The following PEMT variants were observed in gnomAD, a reference collection of about 807,000 sequenced individuals.
The protein encoded by PEMT is phospholipid methyltransferase.
Under a neutral mutation model 27.4 loss-of-function variants are expected in PEMT, and 23 were observed. The ratio of observed to expected loss-of-function variants is 0.84; its 90% confidence interval spans 0.60 to 1.19. The LOEUF (loss-of-function observed/expected upper bound fraction) is 1.19, where lower values mean the gene tolerates loss of function less well. Ranked by LOEUF, PEMT falls within the 50% of genes most tolerant of loss-of-function variation. PEMT has a pLI of 0.00. For synonymous variants in PEMT, 137 were observed against 139.1 expected, an observed-to-expected ratio of 0.98 and a Z score of 0.11; for missense variants, 307 against 310.1, an observed-to-expected ratio of 0.99 and a Z score of 0.07.
chr17:17,517,547 C>T (rs1364006166), intron 3 of PEMT, among the ~76,000 whole-genome samples: 1 of 152,240 alleles, frequency 6.6e-6, no homozygotes, highest in Non-Finnish European at 1.5e-5. Flanking sequence ...TGGGATGCAG[C>T]AGTGACCAGG....
At chr17:17,550,809 C>T (rs886977903) in intron 2 of PEMT, among the ~76,000 whole-genome samples, 1 of 152,236 alleles carries the variant, frequency 6.6e-6, no homozygotes, top group African/African-American at 2.4e-5. Context: ...GTCCAGTTCA[C>T]TGAATGTGCA....
At chr17:17,530,351 C>T (rs1466439833) in intron 2 of PEMT, among the ~76,000 whole-genome samples, 1 of 152,126 alleles carries the variant, frequency 6.6e-6, no homozygotes, top group Non-Finnish European at 1.5e-5. Context: ...AAAAATTAGC[C>T]GGGCATGATG....
intron 3 of PEMT, among the ~76,000 whole-genome samples, chr17:17,514,093 C>T (rs1444248894): frequency 2.0e-5 from 3 of 152,174 alleles, no homozygotes; most frequent in Non-Finnish European, 1.5e-5. Context: ...GCCCACACAA[C>T]CATCCATCCA....
chr17:17,591,397 CG>C, intron 1 of PEMT, 133 bp downstream of exon 1: 7 of 758,598 alleles, frequency 9.2e-6, no homozygotes, highest in Admixed American at 3.0e-5. Flanking sequence ...CCCCCACCCC[CG>C]CCACGCCACG....
At chr17:17,558,413 CAGG>C in intron 2 of PEMT, among the ~76,000 whole-genome samples, 1 of 151,894 alleles carries the variant, frequency 6.6e-6, no homozygotes, top group South Asian at 2.1e-4. Context: ...GAGGCTGAGG[CAGG>C]AGAATTGCTT....
At chr17:17,586,266 AAGAAAGAAAGAAAGAAAG>A (rs1912284617) in intron 1 of PEMT, among the ~76,000 whole-genome samples, 1 of 118,152 alleles carries the variant, frequency 8.5e-6, no homozygotes, top group East Asian at 2.5e-4. Context: ...GAAAGAAAGA[AAGAAAGAAAGAAAGAAAG>A]AAAGAAAAAA....
At chr17:17,576,090 G>A (rs1911565969) in intron 2 of PEMT, among the ~76,000 whole-genome samples, 1 of 152,022 alleles carries the variant, frequency 6.6e-6, no homozygotes, top group African/African-American at 2.4e-5. Flanking sequence ...CTGAGCCCCA[G>A]GACCACCCAC....
At chr17:17,580,897 T>C (rs1911935459) in intron 1 of PEMT, among the ~76,000 whole-genome samples, 1 of 152,012 alleles carries the variant, frequency 6.6e-6, no homozygotes, top group African/African-American at 2.4e-5. Flanking sequence ...CCTTTGGACT[T>C]CCCCCAGAGC....
chr17:17,563,923 C>A (rs1344612992), intron 2 of PEMT, among the ~76,000 whole-genome samples: 2 of 152,186 alleles, frequency 1.3e-5, no homozygotes, highest in African/African-American at 4.8e-5. Flanking sequence ...TAGCACTCGG[C>A]CTGCACAGGG....
intron 2 of PEMT, among the ~76,000 whole-genome samples, chr17:17,564,585 G>A (rs1257484737): frequency 6.6e-6 from 1 of 152,072 alleles, no homozygotes; most frequent in Admixed American, 6.5e-5. Flanking sequence ...AGCAACATCC[G>A]GCCAGCTCAC....
At chr17:17,589,614 G>A (rs1271913976) in intron 1 of PEMT, among the ~76,000 whole-genome samples, 1 of 152,124 alleles carries the variant, frequency 6.6e-6, no homozygotes, top group African/African-American at 2.4e-5. Context: ...GGCTAGCACC[G>A]GAGATCCTGC....
chr17:17,568,558 ATGG>A (rs960184990), intron 2 of PEMT, among the ~76,000 whole-genome samples: 8 of 152,134 alleles, frequency 5.3e-5, no homozygotes, highest in Non-Finnish European at 1.0e-4. Flanking sequence ...CACTTTACAA[ATGG>A]AGAAACCGAT....
chr17:17,577,584 C>A (rs901900815), intron 1 of PEMT: 1 of 853,864 alleles, frequency 1.2e-6, no homozygotes. Context: ...CACGTGGACA[C>A]TGCCCCCGCC....
At chr17:17,572,055 C>T (rs1220752347) in intron 2 of PEMT, among the ~76,000 whole-genome samples, 2 of 152,198 alleles carry the variant, frequency 1.3e-5, no homozygotes, top group Admixed American at 6.5e-5. Context: ...CAAAACCGAG[C>T]TCTTCCTCCA....
intron 6 of PEMT, among the ~76,000 whole-genome samples, 169 bp downstream of exon 6, chr17:17,506,058 T>A (rs1905806254): frequency 6.6e-6 from 1 of 152,162 alleles, no homozygotes. Flanking sequence ...TGCTGGGTCC[T>A]GCAGGCCGCA....
At chr17:17,579,015 G>A (rs897600021) in intron 1 of PEMT, among the ~76,000 whole-genome samples, 1 of 152,212 alleles carries the variant, frequency 6.6e-6, no homozygotes, top group Non-Finnish European at 1.5e-5. Context: ...ATAATGGTGT[G>A]TTTTGTTCTA....
chr17:17,507,116 G>A, intron 5 of PEMT: 6 of 1,541,298 alleles, frequency 3.9e-6, no homozygotes, highest in South Asian at 1.2e-5. Context: ...GCTGCTTTGG[G>A]TTTCCAGAAA....
chr17:17,584,890 A>T (rs1187300945), intron 1 of PEMT, among the ~76,000 whole-genome samples: 1 of 152,198 alleles, frequency 6.6e-6, no homozygotes, highest in African/African-American at 2.4e-5. Flanking sequence ...TAGAGGTGCC[A>T]TGGGACGCCA....
At chr17:17,566,308 G>C (rs1189473114) in intron 2 of PEMT, among the ~76,000 whole-genome samples, 1 of 152,228 alleles carries the variant, frequency 6.6e-6, no homozygotes, top group Non-Finnish European at 1.5e-5. Context: ...TCCCAGTAGA[G>C]TTGGGGGTGA....
Sources: gnomAD v4.1 joint callset for allele counts (sites outside exome capture counted in the v4.1 genomes callset) on GRCh38, gnomAD v4.1.1 for gene constraint, MANE v1.5 for transcripts, NCBI Gene and HGNC (gene_info 2026-07-23, HGNC 2026-07-21) for gene names.